Variants in DGKI observed in about 807,000 individuals in gnomAD.
The protein encoded by DGKI is DAG kinase iota.
A neutral mutation model predicts 147.5 loss-of-function variants in DGKI; 55 were observed. The observed-to-expected ratio is 0.37, with a 90% CI of 0.30 to 0.47. The LOEUF (loss-of-function observed/expected upper bound fraction) is 0.47. DGKI is among the 20% of genes least tolerant of loss of function. DGKI has a pLI of 1.00. For synonymous variants in DGKI, 469 were observed against 477.1 expected (o/e 0.98, Z 0.22); for missense variants, 1,007 against 1,323.8 (o/e 0.76, Z 3.71).
chr7:137,543,305 T>C (rs561765414), intron 20 of DGKI, among the ~76,000 whole-genome samples: 4 of 152,344 alleles, frequency 2.6e-5, no homozygotes, highest in East Asian at 1.9e-4. Context: ...AGAAATATTC[T>C]ATTTGCTTTG....
At chr7:137,404,871 T>C (rs1299197124) in intron 30 of DGKI, among the ~76,000 whole-genome samples, 1 of 151,926 alleles carries the variant, frequency 6.6e-6, no homozygotes, top group Middle Eastern at 3.2e-3. Flanking sequence ...GAGAAACTGA[T>C]TTGTATTGGA....
rs189526186 is a variant in DGKI at position 137,656,863 on chromosome 7, T to G, written c.607-323A>C. ...CTCTTTGTTCTGTCATTTCTAAGTT[T>G]CAGAACCTTACAATATAGGCATTAT... On this transcript the variant is annotated intron_variant, in intron 3 of 32. Coordinates refer to ENST00000614521, the MANE Select transcript of DGKI (RefSeq NM_001321708.2). 2.0e-5 allele frequency among the ~76,000 whole-genome samples: 3 copies of G among 152,304 alleles called. No homozygotes were observed. In the East Asian group the frequency reaches 5.8e-4, roughly 29 times the overall value.
chr7:137,513,658 A>C (rs1304110763), intron 21 of DGKI, among the ~76,000 whole-genome samples: 1 of 152,216 alleles, frequency 6.6e-6, no homozygotes, highest in Admixed American at 6.5e-5. Context: ...CACCTACTAC[A>C]CACCTAGGCT....
intron 28 of DGKI, among the ~76,000 whole-genome samples, chr7:137,413,861 TGCTTTCCA>T (rs1213634396): frequency 6.6e-6 from 1 of 152,232 alleles, no homozygotes; most frequent in Non-Finnish European, 1.5e-5. Context: ...ATCTCCAAAC[TGCTTTCCA>T]CAGTGGCTAA....
At chr7:137,457,943 T>C (rs2128923298) in intron 27 of DGKI, among the ~76,000 whole-genome samples, 1 of 152,132 alleles carries the variant, frequency 6.6e-6, no homozygotes, top group East Asian at 1.9e-4. Context: ...AAGCAGCAAA[T>C]TATATTTCCT....
chr7:137,800,412 T>A (rs1178318785), intron 1 of DGKI, among the ~76,000 whole-genome samples: 2 of 151,912 alleles, frequency 1.3e-5, no homozygotes, highest in African/African-American at 2.4e-5. Context: ...TCTCAAGAGA[T>A]CTGGTTGTTT....
intron 15 of DGKI, among the ~76,000 whole-genome samples, chr7:137,579,004 T>C (rs1179588695): frequency 6.6e-6 from 1 of 152,184 alleles, no homozygotes; most frequent in Non-Finnish European, 1.5e-5. Flanking sequence ...CTAAAAATTC[T>C]TTCCATAGTT....
At chr7:137,783,114 T>C (rs1796570051) in intron 1 of DGKI, among the ~76,000 whole-genome samples, 2 of 152,096 alleles carry the variant, frequency 1.3e-5, no homozygotes, top group Non-Finnish European at 2.9e-5. Context: ...GAGCAATGGA[T>C]CCAAACCAAG....
intron 1 of DGKI, among the ~76,000 whole-genome samples, chr7:137,827,703 T>C (rs1479667896): frequency 6.6e-6 from 1 of 152,238 alleles, no homozygotes; most frequent in Non-Finnish European, 1.5e-5. Flanking sequence ...AAGCACGGAA[T>C]AGATACAACT....
At chr7:137,715,825 T>A (rs1794359434) in intron 1 of DGKI, among the ~76,000 whole-genome samples, 1 of 152,110 alleles carries the variant, frequency 6.6e-6, no homozygotes, top group African/African-American at 2.4e-5. Context: ...GAATTCTGCT[T>A]GTAAGAGAGA....
intron 21 of DGKI, among the ~76,000 whole-genome samples, chr7:137,498,359 CAAAAG>C: frequency 6.6e-6 from 1 of 151,664 alleles, no homozygotes; most frequent in Admixed American, 6.6e-5. Flanking sequence ...TCTCAAAAAA[CAAAAG>C]AAAATAGAGA....
intron 1 of DGKI, among the ~76,000 whole-genome samples, chr7:137,704,433 C>T (rs1402728533): frequency 6.6e-6 from 1 of 151,662 alleles, no homozygotes; most frequent in African/African-American, 2.4e-5. Context: ...AATCAGTGAG[C>T]TTGAAGATAG....
At chr7:137,836,695 C>T (rs1028753303) in intron 1 of DGKI, among the ~76,000 whole-genome samples, 2 of 152,158 alleles carry the variant, frequency 1.3e-5, no homozygotes, top group Non-Finnish European at 2.9e-5. Flanking sequence ...TTTATTCCCC[C>T]GTCTTGTGCA....
intron 6 of DGKI, among the ~76,000 whole-genome samples, chr7:137,638,567 C>CACATATATGTATATATACACACATAT (rs1821469729): frequency 1.2e-4 from 4 of 33,134 alleles, no homozygotes; most frequent in East Asian, 9.6e-4. Context: ...TATATATACA[C>CACATATATGTATATATACACACATAT]ACATATATGT....
At chr7:137,598,399 G>A (rs923151513) in intron 11 of DGKI, among the ~76,000 whole-genome samples, 4 of 151,996 alleles carry the variant, frequency 2.6e-5, no homozygotes, top group Admixed American at 6.6e-5. Flanking sequence ...CTTTTTCAGC[G>A]AGACGGGGAG....
intron 27 of DGKI, among the ~76,000 whole-genome samples, chr7:137,453,779 A>T (rs1261492338): frequency 6.6e-6 from 1 of 152,154 alleles, no homozygotes; most frequent in Non-Finnish European, 1.5e-5. Context: ...CCAGCATGTA[A>T]ATAATAAAGG....
intron 15 of DGKI, among the ~76,000 whole-genome samples, chr7:137,580,552 T>C (rs758841517): frequency 2.6e-4 from 40 of 152,132 alleles, no homozygotes; most frequent in Non-Finnish European, 5.0e-4. Flanking sequence ...AACAGCATCA[T>C]TCCTGCTTGG....
At chr7:137,519,523 G>T (rs1816892230) in intron 21 of DGKI, among the ~76,000 whole-genome samples, 1 of 152,042 alleles carries the variant, frequency 6.6e-6, no homozygotes, top group African/African-American at 2.4e-5. Flanking sequence ...TTTGTTCTGG[G>T]ATGCAGGTCA....
chr7:137,457,004 G>C (rs184912180), intron 27 of DGKI, among the ~76,000 whole-genome samples: 1 of 152,286 alleles, frequency 6.6e-6, no homozygotes, highest in East Asian at 1.9e-4. Context: ...TAGGAATAGA[G>C]TGTTATTATG....
Sources: gnomAD v4.1 joint callset for allele counts (sites outside exome capture counted in the v4.1 genomes callset) on GRCh38, gnomAD v4.1.1 for gene constraint, MANE v1.5 for transcripts, NCBI Gene and HGNC (gene_info 2026-07-23, HGNC 2026-07-21) for gene names.